MUC4: variants seen among roughly 807,000 people sequenced by gnomAD.
MUC4 encodes the protein mucin 4, cell surface associated, also known as mucin-4.
A neutral mutation model predicts 257.9 loss-of-function variants in MUC4; 202 were observed. The observed-to-expected ratio is 0.78, with a 90% CI of 0.70 to 0.88. The LOEUF (loss-of-function observed/expected upper bound fraction) is 0.88. Among genes scored for constraint, MUC4 ranks in the 40% least tolerant of loss-of-function variants. The pLI is 0.00. For synonymous variants in MUC4, 2,351 were observed against 2,757.1 expected (o/e 0.85, Z 4.62); for missense variants, 5,976 against 6,513.7 (o/e 0.92, Z 2.84).
intron 1 of MUC4, among the ~76,000 whole-genome samples, chr3:195,805,685 C>T (rs1433946194): frequency 2.6e-5 from 4 of 152,054 alleles, no homozygotes; most frequent in African/African-American, 7.2e-5. Context: ...TTAGTAGAGA[C>T]GGGGTTTTGC....
At chr3:195,769,557 A>C in intron 6 of MUC4, 1 of 194,320 alleles carries the variant, frequency 5.1e-6, no homozygotes, top group Non-Finnish European at 1.1e-5. Flanking sequence ...CCTCCATCTA[A>C]ACAGCATGGA....
At chr3:195,766,023 C>T (rs144922982) in intron 8 of MUC4, among the ~76,000 whole-genome samples, 4 of 152,054 alleles carry the variant, frequency 2.6e-5, no homozygotes, top group Non-Finnish European at 5.9e-5. Flanking sequence ...TGCAGTGGCG[C>T]GATCTCGGCT....
chr3:195,783,916 G>A lies in MUC4; in HGVS notation c.7664C>T (p.Thr2555Ile), dbSNP rs745793496. 1.2e-5 allele frequency: 19 copies of A among 1,522,722 alleles called. 1 individual carries two copies. Among genetic ancestry groups the A allele is most frequent in the Admixed American group, 6.0e-5 (3 of 49,770 alleles). 94.3% of individuals were successfully genotyped at this position (1,522,722 alleles called of 1,614,324 possible). ...LHVTSPSSAS[T>I]GHATSLPVTD... ...GACAGGAAGAGAGGTGGCGTGACCT[G>A]TGGATGCTGAGGAAGGGCTGGTGAC... Residue 2555 changes from threonine to isoleucine, a missense_variant, in exon 2 of 25, where the codon ACA (threonine) becomes ATA (isoleucine). Coordinates refer to ENST00000463781, the MANE Select transcript of MUC4 (RefSeq NM_018406.7).
intron 18 of MUC4, among the ~76,000 whole-genome samples, chr3:195,756,480 C>A (rs182541203): frequency 3.3e-5 from 5 of 152,322 alleles, no homozygotes; most frequent in African/African-American, 9.6e-5. Flanking sequence ...TCCAGTTGAA[C>A]TATAAGCAAT....
intron 1 of MUC4, among the ~76,000 whole-genome samples, chr3:195,793,006 C>T (rs574683821): frequency 1.3e-5 from 2 of 152,096 alleles, no homozygotes; most frequent in East Asian, 1.9e-4. Context: ...GGAGGAAGAG[C>T]GTCAGGATAA....
At position 195,780,481 on chromosome 3, in the gene MUC4, GT is replaced by G. The variant is rs1727082684; in HGVS notation, c.11098del (p.Thr3700ProfsTer559). ...ACCTGAGGATGATGAGGAAGGGATG[GT>G]GACAGGAAGAGGGGTGGCCTGACCT... is the stretch of plus-strand genomic sequence containing the variant. The part of the protein sequence containing the change: ...STGQATPLPV[T>X]IPSSSSSGHT... On this transcript the variant is annotated frameshift_variant, in exon 2 of 25. Transcript: ENST00000463781. LOFTEE classifies it high-confidence loss of function. 6.5e-7 allele frequency: 1 copy of G among 1,529,714 alleles called. No homozygotes were observed. The highest frequency in any genetic ancestry group is 8.8e-7 in the Non-Finnish European group (1 of 1,141,782). The allele number at this position is 1,529,714 out of a possible 1,614,324, so 94.8% of individuals were successfully genotyped here.
intron 7 of MUC4, among the ~76,000 whole-genome samples, chr3:195,767,642 TCGCCACCAC>T (rs1560262903): frequency 6.7e-4 from 21 of 31,410 alleles, no homozygotes; most frequent in South Asian, 2.4e-3. Context: ...ACCACCACCA[TCGCCACCAC>T]CACCACCACC....
Position 195,766,672 on chromosome 3 carries a change from A to G in MUC4, c.13609T>C (p.Ser4537Pro). 1 of 1,614,150 alleles carries G rather than the reference A, an allele frequency of 6.2e-7. No individual in the cohort carries two copies. The highest frequency in any genetic ancestry group is 1.1e-5 in the South Asian group (1 of 91,088). Reference protein sequence around the residue: ...ERYRPDRFLNSNSGLQGLQFY... With the variant: ...ERYRPDRFLNPNSGLQGLQFY... ...AAGGTGGCACTTTTACCTGAGTTGG[A>G]ATTCAGGAATCTATCAGGGCGATAC... Residue 4537 changes from serine (S) to proline (P), a missense_variant, in exon 8 of 25, where the codon TCC becomes CCC. Physicochemically the swap from Ser to Pro is moderately conservative, Grantham distance 74 (BLOSUM62 -1). Transcript: ENST00000463781.
intron 4 of MUC4, among the ~76,000 whole-genome samples, chr3:195,773,035 T>TGG (rs1304415944): frequency 4.3e-5 from 5 of 117,376 alleles, no homozygotes; most frequent in East Asian, 2.8e-4. Context: ...CTCAGGGGTG[T>TGG]AGACACCCTC....
chr3:195,748,783 C>G, intron 24 of MUC4, 119 bp downstream of exon 24: 3 of 1,308,844 alleles, frequency 2.3e-6, no homozygotes, highest in Non-Finnish European at 3.0e-6. Flanking sequence ...TTTCCACTGT[C>G]CTCTCTTCCC....
chr3:195,786,526 C>A lies in MUC4; in HGVS notation c.5054G>T (p.Gly1685Val), dbSNP rs201019164. The change falls in exon 2 of 25, where the codon GGC becomes GTC. Residue 1685 changes from glycine (G) to valine (V), a missense_variant. Around this residue, in one of 44 missense-constraint regions of MUC4, gnomAD observed 138 missense variants for 107.8 expected, o/e 1.28. Transcript: ENST00000463781. ...TGHATPLPVT[G>V]LSSATTDDTT... ...GTCATCTGTGGTAGCTGAGGAAAGG[C>A]CGGTGACAGGAAGAGGGGTGGCGTG... 3 of 1,147,298 alleles carry A rather than the reference C, an allele frequency of 2.6e-6. No homozygotes were observed. The highest frequency in any genetic ancestry group is 2.7e-5 in the African/African-American group (1 of 37,238). The allele number at this position is 1,147,298 out of a possible 1,614,324, so 71.1% of individuals were successfully genotyped here.
Position 195,780,905 on chromosome 3 carries a change from A to G in MUC4, c.10675T>C (p.Ser3559Pro), listed in dbSNP as rs1397253562. The change falls in exon 2 of 25, where the codon TCC (serine) becomes CCC (proline). Residue 3559 changes from serine to proline, a missense_variant. Ser to Pro is a moderately conservative substitution (Grantham distance 74). Around this residue, in one of 44 missense-constraint regions of MUC4, gnomAD observed 59 missense variants for 149.8 expected, o/e 0.39. Coordinates refer to ENST00000463781, the MANE Select transcript of MUC4 (RefSeq NM_018406.7). ...DTTPLPVTDASSASTGQATPL... is the reference protein window; with the variant it reads ...DTTPLPVTDAPSASTGQATPL... ...GTGGCCTGACCTGTGGATGCCGAGG[A>G]AGCGTCGGTGACAGGAAGAGGGGTG... 9 of 1,513,612 alleles carry G rather than the reference A, an allele frequency of 5.9e-6. 2 individuals are homozygous for G. Among genetic ancestry groups the G allele is most frequent in the Non-Finnish European group, 7.1e-6 (8 of 1,125,764 alleles). 93.8% of individuals were successfully genotyped at this position (1,513,612 alleles called of 1,614,324 possible).
rs1235551355 is a variant in MUC4 at position 195,788,943 on chromosome 3, G to A, written c.2637C>T (p.Ala879=). The change falls in exon 2 of 25, where the codon GCC becomes GCT. Residue 879 remains alanine (A), a synonymous_variant. Coordinates refer to ENST00000463781, the MANE Select transcript of MUC4 (RefSeq NM_018406.7). ...GTCCTGTCGGTCTCCCTGCAGTGGA[G>A]GCCTCAGAGAGGGTGGGATGAAAGG... ...PGTFHPTLSE[A]STAGRPTGQS... is the part of the protein sequence containing the mutation. 6.2e-7 allele frequency: 1 copy of A among 1,613,616 alleles called. No homozygotes were observed. The highest frequency in any genetic ancestry group is 8.5e-7 in the Non-Finnish European group (1 of 1,179,720).
At position 195,790,970 on chromosome 3, in the gene MUC4, G is replaced by C. The variant is rs778961923; in HGVS notation, c.610C>G (p.Gln204Glu). 1 of 1,613,898 alleles carries C rather than the reference G, an allele frequency of 6.2e-7. No individual in the cohort carries two copies. Among genetic ancestry groups the C allele is most frequent in the Admixed American group, 1.7e-5 (1 of 60,012 alleles). The change falls in exon 2 of 25, where the codon CAG becomes GAG. Residue 204 changes from glutamine to glutamate, a missense_variant. Physicochemically the swap from Gln to Glu is conservative, Grantham distance 29 (BLOSUM62 2). This residue lies in a region of MUC4 where 1,583 missense variants were observed against 1,257.4 expected (regional missense o/e 1.26). Transcript: ENST00000463781. ...CTGGTTTGAGATTCCCTGGTGGTCT[G>C]CGTGCTCCGAGTCCAGTGGTTCTGA... The part of the protein sequence containing the change: ...SSQNHWTRST[Q>E]TTRESQTSTL...
Position 195,780,391 on chromosome 3 carries a change from T to A in MUC4, c.11189A>T (p.His3730Leu), listed in dbSNP as rs953317572. 6.7e-4 allele frequency: 468 copies of A among 697,224 alleles called. 3 individuals carry two copies. In the East Asian group the frequency reaches 0.01, roughly 15 times the overall value. 43.2% of individuals were successfully genotyped at this position (697,224 alleles called of 1,614,324 possible). ...SVSTGHVTPLHVTSPSSASTG... is the reference protein window; with the variant it reads ...SVSTGHVTPLLVTSPSSASTG... ...GGATGCTGAGGAAGGGCTGGTGACA[T>A]GAAGAGGGGTGACGTGACCTGTAGA... Residue 3730 changes from histidine to leucine, a missense_variant, in exon 2 of 25, where the codon CAT (histidine) becomes CTT (leucine). By Grantham distance (99) the His-to-Leu change is moderately conservative. This residue lies in a region of MUC4 where 330 missense variants were observed against 262.0 expected (regional missense o/e 1.26). Coordinates refer to ENST00000463781, the MANE Select transcript of MUC4 (RefSeq NM_018406.7).
At chr3:195,747,940 C>A (rs1715409489) in intron 24 of MUC4, among the ~76,000 whole-genome samples, 1 of 152,386 alleles carries the variant, frequency 6.6e-6, no homozygotes, top group Middle Eastern at 3.4e-3. Flanking sequence ...ATGCCGGCCA[C>A]AGGTGGGCAT....
At chr3:195,765,200 G>A in intron 9 of MUC4, 70 bp downstream of exon 9, 4 of 1,586,312 alleles carry the variant, frequency 2.5e-6, no homozygotes, top group Non-Finnish European at 3.4e-6. Flanking sequence ...GGCTGTTTCT[G>A]GGGAGAGGCT....
intron 20 of MUC4, among the ~76,000 whole-genome samples, chr3:195,752,702 A>G (rs1253606995): frequency 6.6e-6 from 1 of 151,938 alleles, no homozygotes; most frequent in East Asian, 1.9e-4. Context: ...CCCTCACCCT[A>G]CATTCCACAG....
At chr3:195,809,038 C>T (rs1240602995) in intron 1 of MUC4, among the ~76,000 whole-genome samples, 1 of 152,178 alleles carries the variant, frequency 6.6e-6, no homozygotes, top group Non-Finnish European at 1.5e-5. Flanking sequence ...AGGCCTATTT[C>T]GACCCAGTTG....
Sources: gnomAD v4.1 joint callset for allele counts (sites outside exome capture counted in the v4.1 genomes callset) on GRCh38, gnomAD v4.1.1 for gene constraint, gnomAD v4.1.1 regional missense constraint, MANE v1.5 for transcripts, NCBI Gene and HGNC (gene_info 2026-07-23, HGNC 2026-07-21) for gene names.